Variants in ARL13B observed in about 807,000 individuals in gnomAD.
The protein encoded by ARL13B is ADP-ribosylation factor-like protein 13B.
In ARL13B, 36 loss-of-function variants were observed where a neutral mutation model predicts 56.1. The observed-to-expected ratio is 0.64, with a 90% CI of 0.49 to 0.85. The LOEUF (loss-of-function observed/expected upper bound fraction) is 0.85. Among genes scored for constraint, ARL13B ranks in the 40% least tolerant of loss-of-function variants. The pLI, the probability that ARL13B is intolerant of heterozygous loss-of-function variation, is 0.00. For missense variants in ARL13B, 519 were observed against 507.1 expected (o/e 1.02, Z -0.23); for synonymous variants, 178 against 171.1 (o/e 1.04, Z -0.32).
intron 3 of ARL13B, among the ~76,000 whole-genome samples, chr3:94,027,869 T>G (rs1195892888): frequency 6.6e-6 from 1 of 152,150 alleles, no homozygotes; most frequent in African/African-American, 2.4e-5. Context: ...TTTCTCATTT[T>G]TTCAATTTTA....
intron 1 of ARL13B, 143 bp downstream of exon 1, chr3:93,980,625 G>T (rs1710167083): frequency 3.1e-6 from 3 of 972,696 alleles, no homozygotes; most frequent in Non-Finnish European, 4.6e-6. Flanking sequence ...GTCCCGGGAG[G>T]GAGAGATTGG....
chr3:94,041,620 C>G (rs558118674), intron 6 of ARL13B, among the ~76,000 whole-genome samples: 12 of 152,232 alleles, frequency 7.9e-5, no homozygotes, highest in Non-Finnish European at 1.3e-4. Flanking sequence ...GAAGTAAACT[C>G]TAGTGAGAAA....
intron 3 of ARL13B, among the ~76,000 whole-genome samples, chr3:94,020,327 C>T (rs1559990322): frequency 6.6e-6 from 1 of 152,134 alleles, no homozygotes; most frequent in African/African-American, 2.4e-5. Context: ...GATCTCTATT[C>T]TATAGATAAT....
In ARL13B at chr3:94,054,122, T is replaced by C. The variant is rs910196673; in HGVS notation, c.*859T>C. ...TAGACACTTTCAGAGATCAAGGTGC[T>C]CCCTATACTCCCTTGTTCCATCAGA... On this transcript the variant is annotated 3_prime_UTR_variant, in exon 10 of 10. Coordinates refer to ENST00000394222, the MANE Select transcript of ARL13B (RefSeq NM_001174150.2). The C allele has an allele frequency of 8.8e-6, 4 of 452,836 alleles. No homozygotes were observed. The highest frequency in any genetic ancestry group is 1.8e-5 in the Non-Finnish European group (4 of 226,000). The allele number at this position is 452,836 out of a possible 1,614,324, so 28.1% of individuals were successfully genotyped here.
In ARL13B at chr3:94,004,307, C is replaced by A. The variant is rs144655439; in HGVS notation, c.380+399C>A. ...AGTTATTATTTCAGAGTTATGTAAA[C>A]AGTTTATTTTTCTAATACCACATTG... On this transcript the variant is annotated intron_variant, in intron 3 of 9. Transcript: ENST00000394222. Among the ~76,000 whole-genome samples the A allele has an allele frequency of 3.9e-3, 594 of 151,998 alleles. 3 individuals are homozygous for A. The highest frequency in any genetic ancestry group is 0.014 in the African/African-American group (562 of 41,492).
chr3:94,055,598 A>G lies in ARL13B; in HGVS notation c.*2335A>G, dbSNP rs1228576990. Reference sequence around the variant, plus strand: ...TTAAAAGAGGCTCTTGTGTGCCTTTATGTGTAAAATGCATATTACGTAGTA... The same window carrying G: ...TTAAAAGAGGCTCTTGTGTGCCTTTGTGTGTAAAATGCATATTACGTAGTA... On this transcript the variant is annotated 3_prime_UTR_variant, in exon 10 of 10. Transcript: ENST00000394222. 6.6e-6 allele frequency: 3 copies of G among 453,816 alleles called. No individual in the cohort carries two copies. The highest frequency in any genetic ancestry group is 4.7e-5 in the Admixed American group (2 of 42,548). 28.1% of individuals were successfully genotyped at this position (453,816 alleles called of 1,614,324 possible).
At chr3:93,980,504 T>C in intron 1 of ARL13B, 22 bp downstream of exon 1, 4 of 1,608,516 alleles carry the variant, frequency 2.5e-6, no homozygotes, top group Non-Finnish European at 3.4e-6. Flanking sequence ...CCAGCTGTCC[T>C]GGCCGTCCTA....
chr3:93,994,983 G>A lies in ARL13B; in HGVS notation c.60-891G>A, dbSNP rs1219086699. 2.6e-5 allele frequency among the ~76,000 whole-genome samples: 4 copies of A among 152,134 alleles called. No individual in the cohort carries two copies. The East Asian group carries it at 5.8e-4, about 22-fold the overall frequency. ...GGCCATACCCTATGGTCTAAATATG[G>A]CAGCTGTGTTAAGCTGTGGCCTTCT... On this transcript the variant is annotated intron_variant, in intron 1 of 9. Coordinates refer to ENST00000394222, the MANE Select transcript of ARL13B (RefSeq NM_001174150.2).
At chr3:93,997,118 C>T (rs2075981480) in intron 2 of ARL13B, among the ~76,000 whole-genome samples, 1 of 151,812 alleles carries the variant, frequency 6.6e-6, no homozygotes, top group Non-Finnish European at 1.5e-5. Context: ...GCTTGGGGTC[C>T]CACTGATTGT....
rs755488760 is a variant in ARL13B at position 94,003,666 on chromosome 3, T to G, written c.138T>G (p.Pro46=). 17 of 1,613,098 alleles carry G rather than the reference T, an allele frequency of 1.1e-5. No homozygotes were observed. Among genetic ancestry groups the G allele is most frequent in the Non-Finnish European group, 1.4e-5 (16 of 1,179,468 alleles). ...ATAKGIQGEY[P]EDVAPTVGFS... ...GTGTATCATTTGTAACAGAATACCC[T>G]GAAGATGTAGCTCCTACTGTTGGAT... Residue 46 remains proline, a synonymous_variant, in exon 3 of 10, where the codon CCT becomes CCG. Coordinates refer to ENST00000394222, the MANE Select transcript of ARL13B (RefSeq NM_001174150.2).
intron 1 of ARL13B, among the ~76,000 whole-genome samples, chr3:93,995,291 AT>A (rs1291838593): frequency 2.0e-5 from 3 of 151,518 alleles, no homozygotes; most frequent in African/African-American, 7.3e-5. Context: ...ATCTGGACTT[AT>A]GTTTCTTCAG....
intron 3 of ARL13B, among the ~76,000 whole-genome samples, chr3:94,024,984 A>G (rs560615527): frequency 8.5e-5 from 13 of 152,280 alleles, no homozygotes; most frequent in Middle Eastern, 3.4e-3. Context: ...TCAAATTGCT[A>G]TTGGAGCACA....
chr3:93,987,685 A>G (rs928489318), intron 1 of ARL13B, among the ~76,000 whole-genome samples: 9 of 152,058 alleles, frequency 5.9e-5, no homozygotes, highest in African/African-American at 1.9e-4. Context: ...GTCTCTCTCT[A>G]TTGCCTAGGC....
chr3:94,043,973 G>T (rs1331250143), intron 7 of ARL13B, among the ~76,000 whole-genome samples: 1 of 151,822 alleles, frequency 6.6e-6, no homozygotes, highest in African/African-American at 2.4e-5. Context: ...TGTTGCTCAG[G>T]CTGGAGTGCA....
chr3:94,053,291 T>G lies in ARL13B; in HGVS notation c.*28T>G. On this transcript the variant is annotated 3_prime_UTR_variant, in exon 10 of 10. Transcript: ENST00000394222. Reference sequence around the variant, plus strand: ...AAGACGTATGGAGGAGTTCTCTTAATATCAGCAAGGTGAACTGGGACATTC... The same window carrying G: ...AAGACGTATGGAGGAGTTCTCTTAAGATCAGCAAGGTGAACTGGGACATTC... The G allele has an allele frequency of 7.6e-6, 12 of 1,587,178 alleles. No individual in the cohort carries two copies. The highest frequency in any genetic ancestry group is 1.0e-5 in the Non-Finnish European group (12 of 1,156,450).
chr3:93,998,584 C>T (rs1328064284), intron 2 of ARL13B, among the ~76,000 whole-genome samples: 1 of 152,134 alleles, frequency 6.6e-6, no homozygotes, highest in Non-Finnish European at 1.5e-5. Context: ...ACTTACCTAA[C>T]TAGAGAGAAT....
At chr3:93,985,485 A>G (rs1335688813) in intron 1 of ARL13B, among the ~76,000 whole-genome samples, 1 of 152,230 alleles carries the variant, frequency 6.6e-6, no homozygotes, top group Admixed American at 6.5e-5. Flanking sequence ...GAAGAAATTC[A>G]TGCAACAAAT....
At chr3:94,035,843 G>A (rs1221700246) in intron 4 of ARL13B, among the ~76,000 whole-genome samples, 5 of 152,048 alleles carry the variant, frequency 3.3e-5, no homozygotes, top group East Asian at 1.9e-4. Flanking sequence ...AGGTTGAAGG[G>A]GGCAGATTGC....
rs1488612599 is a variant in ARL13B at position 94,053,815 on chromosome 3, AC to A, written c.*553del. 3.4e-6 allele frequency: 1 copy of A among 290,864 alleles called. No individual in the cohort carries two copies. Among genetic ancestry groups the A allele is most frequent in the Non-Finnish European group, 6.6e-6 (1 of 150,400 alleles). The allele number at this position is 290,864 out of a possible 1,614,324, so 18.0% of individuals were successfully genotyped here. Reference sequence around the variant, plus strand: ...TATATCTGGAAAATAGAGTTGATTTACTTTCAGACATGAACTATACAAACAG... The same window carrying A: ...TATATCTGGAAAATAGAGTTGATTTATTTCAGACATGAACTATACAAACAG... On this transcript the variant is annotated 3_prime_UTR_variant, in exon 10 of 10. Transcript: ENST00000394222.
Sources: gnomAD v4.1 joint callset for allele counts (sites outside exome capture counted in the v4.1 genomes callset) on GRCh38, gnomAD v4.1.1 for gene constraint, MANE v1.5 for transcripts, NCBI Gene and HGNC (gene_info 2026-07-23, HGNC 2026-07-21) for gene names.